The following NAV2 variants were observed in gnomAD, a reference collection of about 807,000 sequenced individuals.
The protein encoded by NAV2 is helicase, APC down-regulated 1.
NAV2 carries 54 observed loss-of-function variants against 223.2 expected under a neutral mutation model. The ratio of observed to expected loss-of-function variants is 0.24; its 90% confidence interval spans 0.19 to 0.30. NAV2 has a LOEUF of 0.30. Among genes scored for constraint, NAV2 ranks in the 10% least tolerant of loss-of-function variants. NAV2 has a pLI of 1.00. For missense variants in NAV2, 2,806 were observed against 3,147.5 expected, an observed-to-expected ratio of 0.89 and a Z score of 2.60; for synonymous variants, 1,279 against 1,239.3, an observed-to-expected ratio of 1.03 and a Z score of -0.67.
chr11:20,106,536 G>A (rs1207655425), intron 35 of NAV2, among the ~76,000 whole-genome samples: 1 of 125,292 alleles, frequency 8.0e-6, no homozygotes, highest in Non-Finnish European at 1.7e-5. Flanking sequence ...CTCCAGCCTG[G>A]GGAACAGAGT....
chr11:19,553,132 G>T (rs1457092888), intron 1 of NAV2, among the ~76,000 whole-genome samples: 2 of 152,202 alleles, frequency 1.3e-5, no homozygotes, highest in African/African-American at 4.8e-5. Flanking sequence ...CCTTGCAAGA[G>T]CCGGGCTCAG....
chr11:19,585,092 G>T (rs1469944497), intron 1 of NAV2, among the ~76,000 whole-genome samples: 1 of 152,192 alleles, frequency 6.6e-6, no homozygotes, highest in Non-Finnish European at 1.5e-5. Context: ...ATTTAGGATA[G>T]TTAGCTCTTC....
chr11:19,486,971 C>T (rs190899225), intron 1 of NAV2, among the ~76,000 whole-genome samples: 1 of 152,282 alleles, frequency 6.6e-6, no homozygotes, highest in Admixed American at 6.5e-5. Flanking sequence ...GTGTTTTCTC[C>T]TGGACTTAAG....
intron 1 of NAV2, among the ~76,000 whole-genome samples, chr11:19,638,039 A>G (rs1020032934): frequency 1.3e-5 from 2 of 152,202 alleles, no homozygotes; most frequent in African/African-American, 4.8e-5. Flanking sequence ...TAACCTTAGG[A>G]GGTATATATT....
At chr11:19,790,734 T>C (rs1478425488) in intron 1 of NAV2, among the ~76,000 whole-genome samples, 1 of 152,134 alleles carries the variant, frequency 6.6e-6, no homozygotes, top group East Asian at 1.9e-4. Flanking sequence ...TCACATCTTT[T>C]ACTGCCCCCC....
chr11:19,448,994 AT>A (rs557349572), intron 1 of NAV2, among the ~76,000 whole-genome samples: 246 of 150,550 alleles, frequency 1.6e-3, no homozygotes, highest in African/African-American at 5.4e-3. Context: ...GTGTGAGACT[AT>A]TTTTTTTTTA....
intron 35 of NAV2, among the ~76,000 whole-genome samples, chr11:20,106,133 C>T (rs2062011012): frequency 8.3e-6 from 1 of 120,014 alleles, no homozygotes; most frequent in Admixed American, 9.5e-5. Context: ...GTTTTTCTGT[C>T]CTTGTTCATA....
intron 10 of NAV2, among the ~76,000 whole-genome samples, chr11:19,951,192 C>T (rs1205151171): frequency 6.6e-6 from 1 of 152,146 alleles, no homozygotes; most frequent in Non-Finnish European, 1.5e-5. Context: ...TGGCTGGCCT[C>T]AGGGGAAATA....
At chr11:20,077,357 G>T (rs1284063220) in intron 22 of NAV2, among the ~76,000 whole-genome samples, 195 bp from the exon 23 acceptor site, 4 of 151,898 alleles carry the variant, frequency 2.6e-5, no homozygotes, top group Non-Finnish European at 4.4e-5. Flanking sequence ...ATGGGAAGGA[G>T]CACGGGTTGT....
chr11:19,651,463 T>C (rs1437744325), intron 1 of NAV2, among the ~76,000 whole-genome samples: 2 of 152,232 alleles, frequency 1.3e-5, no homozygotes, highest in African/African-American at 2.4e-5. Flanking sequence ...CTTGTTGGAA[T>C]GTCCTTCACT....
chr11:19,482,590 G>A (rs1317041754), intron 1 of NAV2, among the ~76,000 whole-genome samples: 4 of 152,194 alleles, frequency 2.6e-5, no homozygotes, highest in Admixed American at 2.0e-4. Flanking sequence ...GTTAGTGTGA[G>A]CTACTCTGAC....
intron 1 of NAV2, among the ~76,000 whole-genome samples, chr11:19,536,129 T>C (rs1039464635): frequency 1.3e-5 from 2 of 152,208 alleles, no homozygotes; most frequent in Non-Finnish European, 2.9e-5. Flanking sequence ...TTGAATGCTT[T>C]ACGTACATGG....
At chr11:20,023,172 G>A in intron 11 of NAV2, 3 of 1,542,744 alleles carry the variant, frequency 1.9e-6, no homozygotes, top group South Asian at 2.4e-5. Context: ...CAGGGGGTGG[G>A]TGTGGTGCAT....
chr11:19,477,288 G>A (rs939922748), intron 1 of NAV2, among the ~76,000 whole-genome samples: 1 of 152,172 alleles, frequency 6.6e-6, no homozygotes, highest in Non-Finnish European at 1.5e-5. Flanking sequence ...TCTGTTTTCT[G>A]CAATTTTTGC....
chr11:19,944,204 A>G (rs567219732), intron 8 of NAV2, among the ~76,000 whole-genome samples: 1 of 152,270 alleles, frequency 6.6e-6, no homozygotes, highest in African/African-American at 2.4e-5. Flanking sequence ...CTGTCTCAAA[A>G]AAAGAAAGAA....
chr11:19,729,038 G>A (rs1278964774), intron 1 of NAV2, among the ~76,000 whole-genome samples: 1 of 152,132 alleles, frequency 6.6e-6, no homozygotes, highest in Admixed American at 6.5e-5. Context: ...AGAATCATGG[G>A]CCAGAGCATC....
intron 1 of NAV2, among the ~76,000 whole-genome samples, chr11:19,789,903 A>T (rs2057400147): frequency 6.6e-6 from 1 of 152,154 alleles, no homozygotes; most frequent in East Asian, 1.9e-4. Flanking sequence ...CAAAGTCCCG[A>T]CTTCTTCTCT....
chr11:19,718,465 G>C (rs10766583), intron 1 of NAV2, among the ~76,000 whole-genome samples: 65,324 of 151,880 alleles, frequency 0.43, 14,522 homozygotes, highest in African/African-American at 0.54. Context: ...GGGTGTTTTA[G>C]ATGTTGAAAA....
chr11:20,095,978 G>A (rs1380361525), intron 30 of NAV2, among the ~76,000 whole-genome samples: 2 of 152,176 alleles, frequency 1.3e-5, no homozygotes, highest in South Asian at 2.1e-4. Flanking sequence ...AATTCTTGCC[G>A]TCTGCCCTTT....
Sources: gnomAD v4.1 joint callset for allele counts (sites outside exome capture counted in the v4.1 genomes callset) on GRCh38, gnomAD v4.1.1 for gene constraint, MANE v1.5 for transcripts, NCBI Gene and HGNC (gene_info 2026-07-23, HGNC 2026-07-21) for gene names.